Variants in KIRREL1 observed in about 807,000 individuals in gnomAD.
The protein encoded by KIRREL1 is kirre like nephrin family adhesion molecule 1, also known as kin of IRRE-like protein 1.
A neutral mutation model predicts 83.3 loss-of-function variants in KIRREL1; 25 were observed. The observed-to-expected ratio is 0.30, with a 90% CI of 0.22 to 0.42. The LOEUF is 0.42. KIRREL1 is among the 10% of genes least tolerant of loss of function. The probability of loss-of-function intolerance (pLI) is 1.00; values close to 1 mark genes in which losing one functional copy is unlikely to be tolerated. For synonymous variants in KIRREL1, 388 were observed against 410.4 expected (o/e 0.95, Z 0.66); for missense variants, 812 against 1,032.3 (o/e 0.79, Z 2.92).
intron 1 of KIRREL1, among the ~76,000 whole-genome samples, chr1:158,028,143 G>A (rs376894001): frequency 3.9e-5 from 6 of 152,136 alleles, no homozygotes; most frequent in Non-Finnish European, 5.9e-5. Context: ...TGTCTCTGCC[G>A]GAATGCCGTC....
chr1:158,063,904 T>C (rs904482079), intron 1 of KIRREL1, among the ~76,000 whole-genome samples: 3 of 152,242 alleles, frequency 2.0e-5, no homozygotes, highest in Admixed American at 6.5e-5. Context: ...TCTACCAGAC[T>C]TGAAGCTGGA....
intron 6 of KIRREL1, 41 bp downstream of exon 6, chr1:158,087,901 A>T (rs3820676): frequency 6.2e-6 from 10 of 1,607,858 alleles, no homozygotes; most frequent in Non-Finnish European, 8.5e-6. Flanking sequence ...GGGAGTGATA[A>T]GGAAGAGTTC....
intron 1 of KIRREL1, among the ~76,000 whole-genome samples, chr1:158,036,286 C>T (rs958134741): frequency 2.0e-5 from 3 of 152,098 alleles, no homozygotes; most frequent in African/African-American, 7.2e-5. Flanking sequence ...GTAACTTATT[C>T]AGATAAATAC....
chr1:158,057,438 C>T (rs1661096647), intron 1 of KIRREL1, among the ~76,000 whole-genome samples: 1 of 152,146 alleles, frequency 6.6e-6, no homozygotes, highest in Non-Finnish European at 1.5e-5. Flanking sequence ...ATAAGTACTC[C>T]TGTCTTTTAA....
chr1:158,043,450 G>T (rs1478246887), intron 1 of KIRREL1, among the ~76,000 whole-genome samples: 1 of 152,122 alleles, frequency 6.6e-6, no homozygotes, highest in Non-Finnish European at 1.5e-5. Context: ...CACCCCAGGC[G>T]GGATCAGATA....
chr1:158,054,249 G>T (rs897372402), intron 1 of KIRREL1, among the ~76,000 whole-genome samples: 5 of 144,196 alleles, frequency 3.5e-5, no homozygotes, highest in African/African-American at 1.3e-4. Flanking sequence ...AGAAGAAAAA[G>T]AAAGTGGTGG....
rs374283750 is a variant in KIRREL1, at chr1:158,095,114, C to T, written c.2268C>T (p.His756=). The T allele has an allele frequency of 3.0e-5, 48 of 1,590,594 alleles. No individual in the cohort carries two copies. Among genetic ancestry groups the T allele is most frequent in the Admixed American group, 5.1e-5 (3 of 59,022 alleles). ...GQRFQQRMQT[H]V ...GATTCCAGCAGCGCATGCAGACTCA[C>T]GTGTAGGGGCCAGAGCCTGGCTGGG... Residue 756 remains histidine (H), a synonymous_variant, in exon 15 of 15, where the codon CAC becomes CAT. Coordinates refer to ENST00000359209, the MANE Select transcript of KIRREL1 (RefSeq NM_018240.7).
At position 158,001,728 on chromosome 1, in the gene KIRREL1, C is replaced by T. The variant is rs187106771; in HGVS notation, c.52+8000C>T. On this transcript the variant is annotated intron_variant, in intron 1 of 14. Transcript: ENST00000359209. Reference sequence around the variant, plus strand: ...AAGATGTTGCTGGTGGGATGTGTGGCGGACACTGAGGCCAGTTGGACTGAG... The same window carrying T: ...AAGATGTTGCTGGTGGGATGTGTGGTGGACACTGAGGCCAGTTGGACTGAG... Among the ~76,000 whole-genome samples the T allele has an allele frequency of 3.7e-4, 57 of 152,116 alleles. 1 individual carries two copies. The East Asian group carries it at 0.01, about 27-fold the overall frequency.
At chr1:158,078,317 C>T (rs1247341649) in intron 3 of KIRREL1, among the ~76,000 whole-genome samples, 177 bp downstream of exon 3, 7 of 152,190 alleles carry the variant, frequency 4.6e-5, no homozygotes, top group Non-Finnish European at 8.8e-5. Context: ...ATGTGGGAGA[C>T]GTGGGGTGCT....
chr1:158,058,811 T>C (rs1661135106), intron 1 of KIRREL1, among the ~76,000 whole-genome samples: 1 of 152,148 alleles, frequency 6.6e-6, no homozygotes, highest in Non-Finnish European at 1.5e-5. Flanking sequence ...CATCATCCCA[T>C]TCCTGAGCTG....
intron 3 of KIRREL1, among the ~76,000 whole-genome samples, chr1:158,083,438 G>C (rs543893113): frequency 6.6e-6 from 1 of 152,350 alleles, no homozygotes; most frequent in African/African-American, 2.4e-5. Context: ...CACTTCAATA[G>C]AAGCTGTGGG....
chr1:158,094,432 C>A lies in KIRREL1; in HGVS notation c.1797+42C>A. On this transcript the variant is annotated intron_variant, in intron 14 of 14. Transcript: ENST00000359209. The surrounding 1 kb of genome is among the most constrained non-coding windows in gnomAD (Gnocchi z 4.6). ...GGGCCAGGGCATGAGGGCTGGTGGGCCAGTGGGTTTCTGAGGTCCTGTAGC... is the reference window on the plus strand; with the variant it reads ...GGGCCAGGGCATGAGGGCTGGTGGGACAGTGGGTTTCTGAGGTCCTGTAGC... 6.3e-7 allele frequency: 1 copy of A among 1,580,414 alleles called. No individual in the cohort carries two copies. The highest frequency in any genetic ancestry group is 8.7e-7 in the Non-Finnish European group (1 of 1,152,976).
rs890135998 is a variant in KIRREL1, at chr1:158,097,781, C to T, written c.*2661C>T. On this transcript the variant is annotated 3_prime_UTR_variant, in exon 15 of 15. Transcript: ENST00000359209. ...TGGTGATGCCTCAGTAGTTGGTGAT[C>T]CTGATCACCTTTGGTGGCTTGTTTT... The T allele has an allele frequency of 2.0e-5, 3 of 152,278 alleles. No individual in the cohort carries two copies. The highest frequency in any genetic ancestry group is 7.2e-5 in the African/African-American group (3 of 41,430). The allele number at this position is 152,278 out of a possible 1,614,324, so 9.4% of individuals were successfully genotyped here. A position where few individuals can be genotyped will look rare whatever the true frequency, so the allele number is the denominator to read the frequency against.
chr1:158,095,226 C>T lies in KIRREL1; in HGVS notation c.*106C>T. The T allele has an allele frequency of 1.2e-6, 1 of 831,958 alleles. No homozygotes were observed. Among genetic ancestry groups the T allele is most frequent in the Middle Eastern group, 3.4e-4 (1 of 2,912 alleles). The allele number at this position is 831,958 out of a possible 1,614,324, so 51.5% of individuals were successfully genotyped here. ...CTCATTGCTCCCTTCTCGGACCAGC[C>T]TTCTTCCTCCCACCATGGCAGGTGG... On this transcript the variant is annotated 3_prime_UTR_variant, in exon 15 of 15. Transcript: ENST00000359209.
At chr1:158,026,906 T>G (rs1300014624) in intron 1 of KIRREL1, among the ~76,000 whole-genome samples, 5 of 152,144 alleles carry the variant, frequency 3.3e-5, no homozygotes, top group Admixed American at 3.3e-4. Context: ...AAGACTTCTG[T>G]GACCAAATGT....
intron 1 of KIRREL1, among the ~76,000 whole-genome samples, chr1:158,011,468 C>T (rs1049893333): frequency 9.2e-5 from 14 of 152,174 alleles, no homozygotes; most frequent in South Asian, 2.1e-4. Flanking sequence ...AGAAGCCTAG[C>T]GGCTGGTGCC....
chr1:158,007,775 T>C (rs1461672149), intron 1 of KIRREL1, among the ~76,000 whole-genome samples: 1 of 151,910 alleles, frequency 6.6e-6, no homozygotes, highest in African/African-American at 2.4e-5. Context: ...GTCCTGGAAG[T>C]GCAGCTAGCC....
chr1:157,994,959 C>A (rs1659155018), intron 1 of KIRREL1, among the ~76,000 whole-genome samples: 1 of 152,202 alleles, frequency 6.6e-6, no homozygotes, highest in South Asian at 2.1e-4. Flanking sequence ...AAGGACAGGA[C>A]ACACGCTCTC....
chr1:158,092,186 C>T (rs1662218391), intron 11 of KIRREL1, among the ~76,000 whole-genome samples: 1 of 152,174 alleles, frequency 6.6e-6, no homozygotes, highest in South Asian at 2.1e-4. Context: ...GCACTTCTCA[C>T]ATGATAAAAG....
Sources: gnomAD v4.1 joint callset for allele counts (sites outside exome capture counted in the v4.1 genomes callset) on GRCh38, gnomAD v4.1.1 for gene constraint, Gnocchi (gnomAD v3.1) non-coding constraint, MANE v1.5 for transcripts, NCBI Gene and HGNC (gene_info 2026-07-23, HGNC 2026-07-21) for gene names.